The following PALM2AKAP2 variants were observed in gnomAD, a reference collection of about 807,000 sequenced individuals.
PALM2AKAP2 encodes the protein PALM2 and AKAP2 fusion, also known as PALM2-AKAP2 fusion protein.
In PALM2AKAP2, 37 loss-of-function variants were observed where a neutral mutation model predicts 71.5. The observed-to-expected ratio is 0.52, with a 90% CI of 0.40 to 0.68. PALM2AKAP2 has a LOEUF of 0.68. PALM2AKAP2 is among the 30% of genes least tolerant of loss of function. The probability of loss-of-function intolerance (pLI) is 0.00; values close to 1 mark genes in which losing one functional copy is unlikely to be tolerated. For synonymous variants in PALM2AKAP2, 468 were observed against 478.8 expected (o/e 0.98, Z 0.29); for missense variants, 1,224 against 1,191.8 (o/e 1.03, Z -0.40).
At chr9:109,807,732 C>T (rs1047815107) in intron 1 of PALM2AKAP2, among the ~76,000 whole-genome samples, 2 of 152,038 alleles carry the variant, frequency 1.3e-5, no homozygotes, top group Non-Finnish European at 2.9e-5. Flanking sequence ...CTAATTCACC[C>T]CCTGATATGG....
At chr9:109,664,623 T>G (rs1348374243) in intron 1 of PALM2AKAP2, among the ~76,000 whole-genome samples, 1 of 152,244 alleles carries the variant, frequency 6.6e-6, no homozygotes, top group Non-Finnish European at 1.5e-5. Flanking sequence ...CCCTTAACAC[T>G]TTTTCCTTCA....
chr9:109,915,116 G>A (rs565337512), intron 3 of PALM2AKAP2, among the ~76,000 whole-genome samples: 1 of 152,296 alleles, frequency 6.6e-6, no homozygotes, highest in Non-Finnish European at 1.5e-5. Context: ...AATTCATGAT[G>A]TTTACTAAAC....
chr9:109,944,783 AAAAAGCCACATATGTAGT>A (rs1159720182), intron 6 of PALM2AKAP2: 1 of 152,212 alleles, frequency 6.6e-6, no homozygotes, highest in African/African-American at 2.4e-5. Flanking sequence ...CCCCCAAAGC[AAAAAGCCACATATGTAGT>A]AAAACCAAAG....
chr9:109,760,791 C>T (rs1225154732), intron 1 of PALM2AKAP2, among the ~76,000 whole-genome samples: 1 of 152,166 alleles, frequency 6.6e-6, no homozygotes, highest in African/African-American at 2.4e-5. Flanking sequence ...CCTTCAGATC[C>T]TTAGAGTACA....
chr9:110,073,040 G>A (rs1258274067), intron 1 of PALM2AKAP2, among the ~76,000 whole-genome samples: 1 of 152,204 alleles, frequency 6.6e-6, no homozygotes, highest in East Asian at 1.9e-4. Context: ...AGCCCAAACT[G>A]TTAAGCATTG....
At chr9:110,012,719 A>G (rs988908302) in intron 6 of PALM2AKAP2, among the ~76,000 whole-genome samples, 3 of 152,244 alleles carry the variant, frequency 2.0e-5, no homozygotes, top group Admixed American at 6.5e-5. Context: ...AGACTAAAAT[A>G]TTGAGACAAC....
intron 6 of PALM2AKAP2, among the ~76,000 whole-genome samples, chr9:110,005,826 A>C (rs568255130): frequency 1.5e-3 from 235 of 152,338 alleles, no homozygotes; most frequent in African/African-American, 5.5e-3. Context: ...CCTCTGAGCC[A>C]GGCGTGGGAT....
At chr9:109,682,906 G>A (rs570672588) in intron 1 of PALM2AKAP2, among the ~76,000 whole-genome samples, 1 of 152,316 alleles carries the variant, frequency 6.6e-6, no homozygotes, top group Non-Finnish European at 1.5e-5. Context: ...TGGAAAAAGA[G>A]TCTTCGCAGA....
intron 1 of PALM2AKAP2, among the ~76,000 whole-genome samples, chr9:109,842,604 G>A (rs1426021349): frequency 1.3e-5 from 2 of 152,162 alleles, no homozygotes; most frequent in East Asian, 3.8e-4. Context: ...AAAAATGGCA[G>A]AGTTAACACT....
At chr9:110,124,139 T>G (rs1350694643) in intron 1 of PALM2AKAP2, among the ~76,000 whole-genome samples, 1 of 152,246 alleles carries the variant, frequency 6.6e-6, no homozygotes, top group Non-Finnish European at 1.5e-5. Context: ...AAGTCTACTT[T>G]TAGCCTCCTT....
chr9:110,121,188 T>C (rs1447232043), intron 1 of PALM2AKAP2, among the ~76,000 whole-genome samples: 5 of 152,238 alleles, frequency 3.3e-5, no homozygotes, highest in Admixed American at 2.6e-4. Flanking sequence ...TCCCACACTT[T>C]ACTCCAATCA....
chr9:109,972,179 A>T (rs4978865), intron 6 of PALM2AKAP2, among the ~76,000 whole-genome samples: 25,360 of 152,110 alleles, frequency 0.17, 2,453 homozygotes, highest in East Asian at 0.41. Flanking sequence ...TATAAATACA[A>T]CTTCAACAGG....
chr9:109,893,251 C>A (rs922448570), intron 3 of PALM2AKAP2, among the ~76,000 whole-genome samples: 1 of 152,172 alleles, frequency 6.6e-6, no homozygotes, highest in African/African-American at 2.4e-5. Context: ...TGTTTACCAC[C>A]TACCTGCCAG....
intron 6 of PALM2AKAP2, chr9:109,946,005 G>A (rs1174665547): frequency 6.6e-6 from 1 of 152,232 alleles, no homozygotes; most frequent in Non-Finnish European, 1.5e-5. Flanking sequence ...GAAGTAAGAT[G>A]TGTTACCTTT....
chr9:109,690,302 T>C (rs940426420), intron 1 of PALM2AKAP2, among the ~76,000 whole-genome samples: 5 of 152,238 alleles, frequency 3.3e-5, no homozygotes, highest in Non-Finnish European at 7.3e-5. Context: ...TATATCTTGA[T>C]AATTATGAAG....
At chr9:109,778,245 G>C (rs1829376692), upstream of PALM2AKAP2, among the ~76,000 whole-genome samples, 1 of 152,208 alleles carries the variant, frequency 6.6e-6, no homozygotes, top group Non-Finnish European at 1.5e-5. Context: ...GGCCAAGCCT[G>C]GTGCTTAATG....
At chr9:109,665,411 C>G (rs1827467041) in intron 1 of PALM2AKAP2, among the ~76,000 whole-genome samples, 1 of 152,148 alleles carries the variant, frequency 6.6e-6, no homozygotes, top group Non-Finnish European at 1.5e-5. Context: ...CTATTCCTTT[C>G]TGTTTGTTAG....
At chr9:109,996,300 G>T (rs1212612218) in intron 6 of PALM2AKAP2, among the ~76,000 whole-genome samples, 1 of 152,182 alleles carries the variant, frequency 6.6e-6, no homozygotes, top group Non-Finnish European at 1.5e-5. Context: ...ACCTGGAAAG[G>T]GGCCCCACTG....
At chr9:109,751,046 G>A (rs987207245) in intron 1 of PALM2AKAP2, among the ~76,000 whole-genome samples, 3 of 152,084 alleles carry the variant, frequency 2.0e-5, no homozygotes, top group African/African-American at 7.2e-5. Flanking sequence ...ACTTAAGTGC[G>A]ATGTCCATGT....
Sources: allele counts gnomAD v4.1 joint callset (sites outside exome capture counted in the v4.1 genomes callset), GRCh38; gene constraint gnomAD v4.1.1; transcripts MANE v1.5; gene names NCBI Gene and HGNC (gene_info 2026-07-23, HGNC 2026-07-21).